SH3GL2: variants seen among roughly 807,000 people sequenced by gnomAD.
SH3GL2 encodes the protein SH3 domain containing GRB2 like 2, endophilin A1, also known as endophilin-A1.
Under a neutral mutation model 46.0 loss-of-function variants are expected in SH3GL2, and 24 were observed. That is an observed-to-expected ratio of 0.52 (90% confidence interval 0.38 to 0.73). The LOEUF (loss-of-function observed/expected upper bound fraction) is 0.73. Among genes scored for constraint, SH3GL2 ranks in the 30% least tolerant of loss-of-function variants. The pLI is 0.00. For synonymous variants in SH3GL2, 196 were observed against 147.1 expected (o/e 1.33, Z -2.40); for missense variants, 413 against 424.2 (o/e 0.97, Z 0.23).
intron 1 of SH3GL2, among the ~76,000 whole-genome samples, chr9:17,634,243 G>A (rs1325084688): frequency 6.6e-6 from 1 of 152,196 alleles, no homozygotes; most frequent in African/African-American, 2.4e-5. Context: ...CAGAACTGCA[G>A]TGGTGATGAT....
At chr9:17,745,462 A>G (rs73642206) in intron 1 of SH3GL2, among the ~76,000 whole-genome samples, 4,071 of 152,158 alleles carry the variant, frequency 0.027, 177 homozygotes, top group African/African-American at 0.094. Flanking sequence ...CGCTCTGTGT[A>G]CCTATCAAGG....
At chr9:17,680,699 C>T (rs184808840) in intron 1 of SH3GL2, among the ~76,000 whole-genome samples, 13 of 152,052 alleles carry the variant, frequency 8.5e-5, no homozygotes, top group Admixed American at 2.6e-4. Flanking sequence ...TGTTGCTTCT[C>T]TAGTTCTTTT....
At chr9:17,791,194 T>C in intron 6 of SH3GL2, 37 bp from the exon 7 acceptor site, 1 of 1,445,578 alleles carries the variant, frequency 6.9e-7, no homozygotes, top group Non-Finnish European at 9.7e-7. Flanking sequence ...GATGGTAACG[T>C]GTAAAACTAA....
chr9:17,693,222 G>A (rs1046296453), intron 1 of SH3GL2, among the ~76,000 whole-genome samples: 6 of 152,138 alleles, frequency 3.9e-5, no homozygotes, highest in South Asian at 2.1e-4. Context: ...AGCAGAAAAC[G>A]TTATGTTTGG....
At chr9:17,729,977 G>GTT (rs200662316) in intron 1 of SH3GL2, among the ~76,000 whole-genome samples, 2 of 151,888 alleles carry the variant, frequency 1.3e-5, no homozygotes, top group African/African-American at 2.4e-5. Flanking sequence ...ATTTAAAGTA[G>GTT]TTTTTTCTAA....
intron 1 of SH3GL2, among the ~76,000 whole-genome samples, chr9:17,720,025 T>G (rs969600745): frequency 1.3e-5 from 2 of 152,040 alleles, no homozygotes; most frequent in Non-Finnish European, 2.9e-5. Flanking sequence ...TATAAAGTTG[T>G]AGTTGACCAA....
intron 1 of SH3GL2, among the ~76,000 whole-genome samples, chr9:17,712,924 G>C (rs1470417223): frequency 7.6e-6 from 1 of 132,246 alleles, no homozygotes; most frequent in Non-Finnish European, 1.5e-5. Flanking sequence ...TAGTAAGCGT[G>C]AACATCCTTG....
chr9:17,788,758 G>C (rs1448911646), intron 5 of SH3GL2, among the ~76,000 whole-genome samples: 2 of 152,064 alleles, frequency 1.3e-5, no homozygotes, highest in Admixed American at 1.3e-4. Flanking sequence ...TGTCAAGTGG[G>C]AGGCTTAAAC....
chr9:17,641,797 T>G (rs753599799), intron 1 of SH3GL2, among the ~76,000 whole-genome samples: 81 of 147,726 alleles, frequency 5.5e-4, no homozygotes, highest in Admixed American at 7.3e-4. Context: ...TGCATAGTAT[T>G]GCATGGTTTA....
chr9:17,582,966 G>A (rs900676142), intron 1 of SH3GL2, among the ~76,000 whole-genome samples: 9 of 152,128 alleles, frequency 5.9e-5, no homozygotes, highest in Non-Finnish European at 5.9e-5. Context: ...ATATAGGATT[G>A]GGCAAGCCCA....
chr9:17,773,281 G>C (rs1205345580), intron 3 of SH3GL2, among the ~76,000 whole-genome samples: 2 of 152,056 alleles, frequency 1.3e-5, no homozygotes, highest in Admixed American at 6.6e-5. Context: ...TCAGTTTCTA[G>C]TGTCTTTTGA....
intron 1 of SH3GL2, among the ~76,000 whole-genome samples, chr9:17,672,257 A>G (rs1326808168): frequency 6.6e-6 from 1 of 152,158 alleles, no homozygotes; most frequent in Non-Finnish European, 1.5e-5. Flanking sequence ...GGAAAGGAAA[A>G]TTTTAGAAAT....
At chr9:17,724,527 TC>T (rs1821975524) in intron 1 of SH3GL2, among the ~76,000 whole-genome samples, 1 of 151,818 alleles carries the variant, frequency 6.6e-6, no homozygotes, top group African/African-American at 2.4e-5. Flanking sequence ...ACATCCCCCC[TC>T]CCCCCGTGTA....
intron 3 of SH3GL2, among the ~76,000 whole-genome samples, chr9:17,783,234 G>A (rs1423068769): frequency 6.6e-6 from 1 of 152,000 alleles, no homozygotes; most frequent in Non-Finnish European, 1.5e-5. Flanking sequence ...ATGTCTGTAT[G>A]TGCTCAAAGC....
rs141208424 is a variant in SH3GL2 at position 17,605,245 on chromosome 9, C to G, written c.45+25958C>G. Reference sequence around the variant, plus strand: ...CCTCTTGTCTTGGCCTCCCAAACTACTGGCATTACAGACAAGAGCTACTGC... The same window carrying G: ...CCTCTTGTCTTGGCCTCCCAAACTAGTGGCATTACAGACAAGAGCTACTGC... On this transcript the variant is annotated intron_variant, in intron 1 of 8. Transcript: ENST00000380607. 8.9e-3 allele frequency among the ~76,000 whole-genome samples: 1,357 copies of G among 152,228 alleles called. 8 individuals are homozygous for G. Among genetic ancestry groups the G allele is most frequent in the Non-Finnish European group, 0.014 (975 of 68,012 alleles).
chr9:17,657,959 G>T (rs1820128029), intron 1 of SH3GL2, among the ~76,000 whole-genome samples: 1 of 152,082 alleles, frequency 6.6e-6, no homozygotes, highest in Non-Finnish European at 1.5e-5. Context: ...AATTTTGATG[G>T]CATAATGAAA....
chr9:17,673,528 T>A (rs973397180), intron 1 of SH3GL2, among the ~76,000 whole-genome samples: 1 of 152,064 alleles, frequency 6.6e-6, no homozygotes, highest in African/African-American at 2.4e-5. Flanking sequence ...TGATTTTCTT[T>A]AGAAACACAT....
intron 8 of SH3GL2, among the ~76,000 whole-genome samples, chr9:17,793,901 C>G (rs543195760): frequency 1.7e-4 from 26 of 152,340 alleles, no homozygotes; most frequent in Admixed American, 1.2e-3. Flanking sequence ...ACAGTGTGTC[C>G]CCACATGCAT....
At chr9:17,673,318 A>T (rs1330309017) in intron 1 of SH3GL2, among the ~76,000 whole-genome samples, 7 of 141,054 alleles carry the variant, frequency 5.0e-5, no homozygotes, top group Admixed American at 1.4e-4. Context: ...CTAGTTTTTA[A>T]TTTTTTTTTT....
Sources: gnomAD v4.1 joint callset for allele counts (sites outside exome capture counted in the v4.1 genomes callset) on GRCh38, gnomAD v4.1.1 for gene constraint, MANE v1.5 for transcripts, NCBI Gene and HGNC (gene_info 2026-07-23, HGNC 2026-07-21) for gene names.